The following STARD9 variants were observed in gnomAD, a reference collection of about 807,000 sequenced individuals.
The protein encoded by STARD9 is StAR related lipid transfer domain containing 9.
STARD9 carries 346 observed loss-of-function variants against 399.8 expected under a neutral mutation model. The observed-to-expected ratio is 0.87, with a 90% confidence interval of 0.79 to 0.95. The LOEUF (loss-of-function observed/expected upper bound fraction) is 0.95, where lower values mean the gene tolerates loss of function less well. Among genes scored for constraint, STARD9 ranks in the 40% least tolerant of loss-of-function variants. The pLI is 0.00. For synonymous variants in STARD9, 2,203 were observed against 2,143.5 expected, an observed-to-expected ratio of 1.03 and a Z score of -0.77; for missense variants, 5,832 against 5,667.5, an observed-to-expected ratio of 1.03 and a Z score of -0.93.
intron 1 of STARD9, 131 bp from the exon 2 acceptor site, chr15:42,583,215 T>G: frequency 3.1e-6 from 2 of 639,724 alleles, no homozygotes; most frequent in East Asian, 2.8e-5. Flanking sequence ...CTTATAGCCA[T>G]TTATGGAGAC....
chr15:42,659,006 A>C (rs1387832760), intron 9 of STARD9, among the ~76,000 whole-genome samples: 5 of 152,080 alleles, frequency 3.3e-5, no homozygotes, highest in Non-Finnish European at 7.4e-5. Context: ...CCAGCTGCTC[A>C]GGAGGCTGAG....
chr15:42,584,158 G>A (rs1460002217), intron 2 of STARD9, among the ~76,000 whole-genome samples: 1 of 151,988 alleles, frequency 6.6e-6, no homozygotes, highest in Non-Finnish European at 1.5e-5. Context: ...CTTGCAGGTG[G>A]TACTCAGCAT....
At position 42,687,428 on chromosome 15, in the gene STARD9, A is replaced by G. The variant is rs368433273; in HGVS notation, c.5850A>G (p.Arg1950=). 26 of 1,537,158 alleles carry G rather than the reference A, an allele frequency of 1.7e-5. 1 individual carries two copies. In the East Asian group the frequency reaches 5.6e-4, roughly 33 times the overall value. ...AAAGTGCTGTTTCTTTGAAATCCAG[A>G]TCAGTAGATCGTAGAGTAAGCAGCC... ...PGESAVSLKS[R]SVDRRVSSPV... The change falls in exon 23 of 33, where the codon AGA becomes AGG. Residue 1950 remains arginine, a synonymous_variant. Coordinates refer to ENST00000290607, the MANE Select transcript of STARD9 (RefSeq NM_020759.3).
chr15:42,596,654 G>A (rs1219604211), intron 3 of STARD9, among the ~76,000 whole-genome samples: 2 of 152,172 alleles, frequency 1.3e-5, no homozygotes, highest in Non-Finnish European at 2.9e-5. Context: ...GGGGGAGCCA[G>A]TGTAGCTGAC....
intron 3 of STARD9, among the ~76,000 whole-genome samples, chr15:42,628,253 TC>T (rs1162610359): frequency 1.3e-5 from 2 of 152,244 alleles, no homozygotes; most frequent in Non-Finnish European, 2.9e-5. Flanking sequence ...TTTATTCAGA[TC>T]TTTTGCCTAT....
In STARD9 at chr15:42,686,287, TAGA is replaced by T. The variant is rs1566936921; in HGVS notation, c.4712_4714del (p.Glu1571del). Reference sequence around the variant, plus strand: ...GAACAGGACAGTTTAAATGCCAAATTAGAAGGTGTTTCAGATTTCTTTAGCACT... The same window carrying T: ...GAACAGGACAGTTTAAATGCCAAATTAGGTGTTTCAGATTTCTTTAGCACT... On this transcript the variant is annotated inframe_deletion, in exon 23 of 33. Coordinates refer to ENST00000290607, the MANE Select transcript of STARD9 (RefSeq NM_020759.3). The T allele has an allele frequency of 6.5e-7, 1 of 1,537,622 alleles. No homozygotes were observed. Among genetic ancestry groups the T allele is most frequent in the Middle Eastern group, 1.7e-4 (1 of 5,992 alleles).
intron 26 of STARD9, among the ~76,000 whole-genome samples, chr15:42,697,324 C>A (rs574994645): frequency 1.3e-5 from 2 of 152,154 alleles, no homozygotes; most frequent in Non-Finnish European, 2.9e-5. Flanking sequence ...TAGTCTCAAA[C>A]TCCTGGGCTC....
chr15:42,607,220 T>A (rs1456322389), intron 3 of STARD9, among the ~76,000 whole-genome samples: 3 of 124,972 alleles, frequency 2.4e-5, no homozygotes, highest in Non-Finnish European at 3.4e-5. Flanking sequence ...TTTTTTTTTT[T>A]AAGATGGAGT....
At chr15:42,675,103 AT>A (rs1361793222) in intron 18 of STARD9, 139 bp downstream of exon 18, 6 of 925,746 alleles carry the variant, frequency 6.5e-6, no homozygotes, top group Non-Finnish European at 9.0e-6. Context: ...AGATTTTCTA[AT>A]ATGATCCTAT....
chr15:42,712,562 T>C (rs2061265376), intron 26 of STARD9, among the ~76,000 whole-genome samples: 1 of 152,158 alleles, frequency 6.6e-6, no homozygotes, highest in Non-Finnish European at 1.5e-5. Context: ...ACAACATTTG[T>C]TTAAAAGATT....
At chr15:42,600,960 G>A (rs111228107) in intron 3 of STARD9, among the ~76,000 whole-genome samples, 7 of 151,744 alleles carry the variant, frequency 4.6e-5, no homozygotes, top group East Asian at 1.9e-4. Context: ...GGGAAGGTCA[G>A]CAGATAAACA....
intron 6 of STARD9, 22 bp from the exon 7 acceptor site, chr15:42,638,678 G>A (rs760601503): frequency 5.5e-6 from 8 of 1,455,070 alleles, no homozygotes; most frequent in Non-Finnish European, 6.5e-6. Flanking sequence ...TAATTATGTT[G>A]CCTTTTTCTA....
chr15:42,665,161 A>G (rs1231572906), intron 13 of STARD9, 92 bp from the exon 14 acceptor site: 2 of 979,962 alleles, frequency 2.0e-6, no homozygotes, highest in African/African-American at 3.2e-5. Flanking sequence ...CCAAAGGAGT[A>G]ATCTACCTCT....
Position 42,691,801 on chromosome 15 carries a change from C to T in STARD9, c.10223C>T (p.Pro3408Leu). The change falls in exon 23 of 33, where the codon CCA becomes CTA. Residue 3408 changes from proline (P) to leucine (L), a missense_variant. Pro to Leu is a moderately conservative substitution (Grantham distance 98). Coordinates refer to ENST00000290607, the MANE Select transcript of STARD9 (RefSeq NM_020759.3). ...RHLKPATPPY[P>L]MPSTLSHMPT... Reference sequence around the variant, plus strand: ...CTGAAGCCTGCCACCCCTCCTTATCCAATGCCTTCCACTCTCTCACACATG... The same window carrying T: ...CTGAAGCCTGCCACCCCTCCTTATCTAATGCCTTCCACTCTCTCACACATG... The T allele has an allele frequency of 6.5e-7, 1 of 1,537,260 alleles. No individual in the cohort carries two copies. Among genetic ancestry groups the T allele is most frequent in the Non-Finnish European group, 8.7e-7 (1 of 1,146,902 alleles).
chr15:42,595,875 A>G (rs898755766), intron 3 of STARD9, among the ~76,000 whole-genome samples: 2 of 152,200 alleles, frequency 1.3e-5, no homozygotes, highest in African/African-American at 4.8e-5. Context: ...CCAGCAGCAC[A>G]GCTGTTTGGT....
In STARD9 at chr15:42,685,629, C is replaced by T. The variant is rs1208612538; in HGVS notation, c.4051C>T (p.Pro1351Ser). Reference sequence around the variant, plus strand: ...CTCTAAGATCAACCCCAGCAGCCCCCCAGGAATAGTGGGTTCTTTATGTCC... The same window carrying T: ...CTCTAAGATCAACCCCAGCAGCCCCTCAGGAATAGTGGGTTCTTTATGTCC... ...CDSKINPSSP[P>S]GIVGSLCPSP... Residue 1351 changes from proline to serine, a missense_variant, in exon 23 of 33, where the codon CCA (proline) becomes TCA (serine). Coordinates refer to ENST00000290607, the MANE Select transcript of STARD9 (RefSeq NM_020759.3). The T allele has an allele frequency of 6.5e-6, 10 of 1,537,254 alleles. No homozygotes were observed. The highest frequency in any genetic ancestry group is 1.2e-5 in the South Asian group (1 of 84,064).
chr15:42,686,509 C>T lies in STARD9; in HGVS notation c.4931C>T (p.Ser1644Phe). Residue 1644 changes from serine (S) to phenylalanine (F), a missense_variant, in exon 23 of 33, where the codon TCC (serine) becomes TTC (phenylalanine). By Grantham distance (155) the Ser-to-Phe change is radical. This residue lies in a region of STARD9 where 5,828 missense variants were observed against 5,651.1 expected (regional missense o/e 1.03). Transcript: ENST00000290607. ...QSCRKPGLMT[S>F]SDEDFFQKNA... ...TGCAGGAAACCTGGACTGATGACTT[C>T]CTCTGATGAGGATTTTTTCCAGAAG... The T allele has an allele frequency of 6.5e-7, 1 of 1,537,758 alleles. No individual in the cohort carries two copies. Among genetic ancestry groups the T allele is most frequent in the Non-Finnish European group, 8.7e-7 (1 of 1,147,054 alleles).
Position 42,702,467 on chromosome 15 carries a change from A to T in STARD9, c.13284+6587A>T, listed in dbSNP as rs551591204. 1.9e-4 allele frequency among the ~76,000 whole-genome samples: 29 copies of T among 152,138 alleles called. No individual in the cohort carries two copies. In the South Asian group the frequency reaches 5.8e-3, roughly 30 times the overall value. On this transcript the variant is annotated intron_variant, in intron 26 of 32. Coordinates refer to ENST00000290607, the MANE Select transcript of STARD9 (RefSeq NM_020759.3). ...TCTGCCCACCTCGGCCTCCCAAAGT[A>T]TTGGGATTACAGGCATGAGCCACCG...
intron 3 of STARD9, 37 bp from the exon 4 acceptor site, chr15:42,634,819 G>A (rs1044719683): frequency 2.9e-6 from 3 of 1,035,790 alleles, no homozygotes; most frequent in Admixed American, 4.7e-5. Context: ...TGAGAAGAAG[G>A]ACCACAGTGA....
Sources: allele counts gnomAD v4.1 joint callset (sites outside exome capture counted in the v4.1 genomes callset), GRCh38; gene constraint gnomAD v4.1.1; regional missense constraint gnomAD v4.1.1; transcripts MANE v1.5; gene names NCBI Gene and HGNC (gene_info 2026-07-23, HGNC 2026-07-21).